The following LAMA3 variants were observed in gnomAD, a reference collection of about 807,000 sequenced individuals.
LAMA3 encodes the protein laminin subunit alpha 3.
In LAMA3, 281 loss-of-function variants were observed where a neutral mutation model predicts 402.0. The ratio of observed to expected loss-of-function variants is 0.70; its 90% CI spans 0.63 to 0.77. LAMA3 has a LOEUF of 0.77. Among genes scored for constraint, LAMA3 ranks in the 30% least tolerant of loss-of-function variants. LAMA3 has a pLI of 0.00. For missense variants in LAMA3, 3,840 were observed against 4,215.5 expected (o/e 0.91, Z 2.47); for synonymous variants, 1,431 against 1,558.4 (o/e 0.92, Z 1.93).
chr18:23,954,112 C>CT (rs2145590371), intron 74 of LAMA3, among the ~76,000 whole-genome samples: 1 of 152,182 alleles, frequency 6.6e-6, no homozygotes, highest in South Asian at 2.1e-4. Flanking sequence ...TCCACTAAGA[C>CT]TATCTTTTGC....
rs557990294 is a variant in LAMA3 at position 23,783,256 on chromosome 18, C to G, written c.1469-767C>G. Among the ~76,000 whole-genome samples, 3 of 152,244 alleles carry G rather than the reference C, an allele frequency of 2.0e-5. No homozygotes were observed. The East Asian group carries it at 5.8e-4, about 29-fold the overall frequency. Reference sequence around the variant, plus strand: ...AAGTTGCATGACAACAACACTTACACCTCATTCTAGTGGTCAAAGCAAGTC... The same window carrying G: ...AAGTTGCATGACAACAACACTTACAGCTCATTCTAGTGGTCAAAGCAAGTC... On this transcript the variant is annotated intron_variant, in intron 11 of 74. Transcript: ENST00000313654.
chr18:23,741,503 A>G (rs1434558986), intron 2 of LAMA3, among the ~76,000 whole-genome samples: 1 of 152,210 alleles, frequency 6.6e-6, no homozygotes, highest in Non-Finnish European at 1.5e-5. Context: ...AAAAAACTCT[A>G]TAAAATTGGC....
At chr18:23,691,909 G>A (rs185298777) in intron 1 of LAMA3, among the ~76,000 whole-genome samples, 106 of 152,254 alleles carry the variant, frequency 7.0e-4, no homozygotes, top group African/African-American at 2.5e-3. Context: ...GGTTGTTATA[G>A]CTGAAAAGAT....
At chr18:23,736,193 C>T (rs534544085) in intron 2 of LAMA3, among the ~76,000 whole-genome samples, 1 of 151,622 alleles carries the variant, frequency 6.6e-6, no homozygotes, top group East Asian at 1.9e-4. Flanking sequence ...AGATTCTGCA[C>T]TCTAAACCAT....
intron 2 of LAMA3, 62 bp from the exon 3 acceptor site, chr18:23,747,881 G>A: frequency 1.0e-6 from 1 of 956,390 alleles, no homozygotes; most frequent in Non-Finnish European, 1.7e-6. Flanking sequence ...ATCACATAGA[G>A]ATGGTAGAAG....
At chr18:23,928,090 C>T in intron 62 of LAMA3, 33 bp from the exon 63 acceptor site, 1 of 1,424,506 alleles carries the variant, frequency 7.0e-7, no homozygotes. Context: ...CTGACATGAT[C>T]CATCTCTTCC....
intron 42 of LAMA3, among the ~76,000 whole-genome samples, chr18:23,891,204 T>C (rs904377604): frequency 6.6e-6 from 1 of 152,150 alleles, no homozygotes. Context: ...TGGTAAATGA[T>C]TTTTAGGCTG....
At chr18:23,949,638 G>A (rs1414465121) in intron 70 of LAMA3, 127 bp from the exon 71 acceptor site, 28 of 906,710 alleles carry the variant, frequency 3.1e-5, no homozygotes, top group African/African-American at 6.4e-5. Flanking sequence ...TGACTTGGAA[G>A]CGGGAAGAAT....
intron 2 of LAMA3, among the ~76,000 whole-genome samples, chr18:23,726,501 C>T (rs2061302881): frequency 6.6e-6 from 1 of 152,170 alleles, no homozygotes; most frequent in Non-Finnish European, 1.5e-5. Flanking sequence ...CAGGGCTGGG[C>T]CTGAAGGTGC....
intron 52 of LAMA3, among the ~76,000 whole-genome samples, chr18:23,906,589 C>T (rs368271709): frequency 6.6e-6 from 1 of 152,114 alleles, no homozygotes; most frequent in African/African-American, 2.4e-5. Flanking sequence ...TTAAATGATG[C>T]CTCTGTAAAT....
rs185284319 is a variant in LAMA3, at chr18:23,782,398, A to C, written c.1469-1625A>C. 7.2e-4 allele frequency among the ~76,000 whole-genome samples: 109 copies of C among 152,206 alleles called. 2 individuals are homozygous for C. Among genetic ancestry groups the C allele is most frequent in the Middle Eastern group, 6.8e-3 (2 of 294 alleles). On this transcript the variant is annotated intron_variant, in intron 11 of 74. Coordinates refer to ENST00000313654, the MANE Select transcript of LAMA3 (RefSeq NM_198129.4). ...TGGTGAAACCTTGTCTCTACTAAAA[A>C]TACAAAAATTAGTCAGATGTGGCAC...
intron 32 of LAMA3, among the ~76,000 whole-genome samples, chr18:23,857,329 C>T (rs961564504): frequency 2.6e-5 from 4 of 152,208 alleles, no homozygotes; most frequent in African/African-American, 9.7e-5. Context: ...TGGACATCTG[C>T]CCCAGCAGCA....
At chr18:23,704,438 G>A (rs1010643759) in intron 1 of LAMA3, among the ~76,000 whole-genome samples, 1 of 152,252 alleles carries the variant, frequency 6.6e-6, no homozygotes, top group Non-Finnish European at 1.5e-5. Flanking sequence ...TGTGGTTTGA[G>A]ATGAAGCACT....
chr18:23,911,936 T>C (rs1277282812), intron 55 of LAMA3, among the ~76,000 whole-genome samples: 3 of 145,548 alleles, frequency 2.1e-5, no homozygotes, highest in African/African-American at 5.0e-5. Context: ...TATATAAAAT[T>C]ATATATTATA....
chr18:23,710,263 C>T (rs2060966444), intron 1 of LAMA3: 2 of 561,494 alleles, frequency 3.6e-6, no homozygotes, highest in Admixed American at 2.5e-5. Context: ...GGGACAGGAG[C>T]TTCCTTCTTC....
intron 37 of LAMA3, among the ~76,000 whole-genome samples, chr18:23,870,189 G>C (rs2064475942): frequency 6.6e-6 from 1 of 152,086 alleles, no homozygotes; most frequent in Non-Finnish European, 1.5e-5. Flanking sequence ...TATAATCCCA[G>C]TTACTTGGGA....
intron 1 of LAMA3, among the ~76,000 whole-genome samples, chr18:23,691,071 CCTT>C (rs2060579416): frequency 6.6e-6 from 1 of 151,910 alleles, no homozygotes; most frequent in South Asian, 2.1e-4. Flanking sequence ...CAAATTGCCT[CCTT>C]CTTCTGCAAA....
At chr18:23,853,511 G>A (rs1443367031) in intron 32 of LAMA3, among the ~76,000 whole-genome samples, 1 of 152,102 alleles carries the variant, frequency 6.6e-6, no homozygotes, top group Non-Finnish European at 1.5e-5. Flanking sequence ...GACCTCAGGT[G>A]ATCCACTGCC....
intron 6 of LAMA3, among the ~76,000 whole-genome samples, chr18:23,757,280 C>T (rs942019864): frequency 5.3e-5 from 8 of 152,088 alleles, no homozygotes; most frequent in African/African-American, 1.7e-4. Flanking sequence ...TTCAGGCCGT[C>T]TTCCCACCCC....
Sources: allele counts gnomAD v4.1 joint callset (sites outside exome capture counted in the v4.1 genomes callset), GRCh38; gene constraint gnomAD v4.1.1; transcripts MANE v1.5; gene names NCBI Gene and HGNC (gene_info 2026-07-23, HGNC 2026-07-21).